The following SLC24A2 variants were observed in gnomAD, a reference collection of about 807,000 sequenced individuals.
SLC24A2 encodes sodium/potassium/calcium exchanger 2.
Under a neutral mutation model 62.0 loss-of-function variants are expected in SLC24A2, and 36 were observed. That is an observed-to-expected ratio of 0.58 (90% confidence interval 0.44 to 0.77). The LOEUF (loss-of-function observed/expected upper bound fraction) is 0.77. SLC24A2 is among the 30% of genes least tolerant of loss of function. The pLI, the probability that SLC24A2 is intolerant of heterozygous loss-of-function variation, is 0.00. For missense variants in SLC24A2, 846 were observed against 817.9 expected (o/e 1.03, Z -0.42); for synonymous variants, 358 against 294.0 (o/e 1.22, Z -2.23).
At chr9:19,752,294 C>G (rs10811234) in intron 2 of SLC24A2, among the ~76,000 whole-genome samples, 1 of 151,740 alleles carries the variant, frequency 6.6e-6, no homozygotes, top group African/African-American at 2.4e-5. Context: ...TACTGCAGAT[C>G]TCATCAGCAG....
At chr9:20,108,308 A>C in the SLC24A2 span, among the ~76,000 whole-genome samples, 109 of 152,112 alleles carry the variant, frequency 7.2e-4, no homozygotes, top group Middle Eastern at 0.01. Context: ...CAGGGATCTA[A>C]AACTAGAAAT....
intron 10 of SLC24A2, among the ~76,000 whole-genome samples, chr9:19,519,552 C>G (rs534480605): frequency 1.3e-5 from 2 of 152,260 alleles, no homozygotes; most frequent in Admixed American, 1.3e-4. Flanking sequence ...AAAACATACA[C>G]CTTTTAAGGC....
chr9:20,025,560 A>T, the SLC24A2 span, among the ~76,000 whole-genome samples: 1 of 152,204 alleles, frequency 6.6e-6, no homozygotes, highest in African/African-American at 2.4e-5. Context: ...AAGAATGATG[A>T]TTGCCCACAC....
intron 2 of SLC24A2, among the ~76,000 whole-genome samples, chr9:19,668,160 G>A (rs770355482): frequency 3.3e-5 from 5 of 152,092 alleles, no homozygotes; most frequent in Non-Finnish European, 7.4e-5. Context: ...GATCTCAGTT[G>A]TTCATTGCCA....
intron 1 of SLC24A2, among the ~76,000 whole-genome samples, chr9:19,787,262 GA>G (rs1417163044): frequency 2.0e-5 from 3 of 152,164 alleles, no homozygotes; most frequent in Non-Finnish European, 4.4e-5. Flanking sequence ...CACTTATGAA[GA>G]TGTATGTATA....
At chr9:19,684,787 T>C (rs970149946) in intron 2 of SLC24A2, among the ~76,000 whole-genome samples, 1 of 151,852 alleles carries the variant, frequency 6.6e-6, no homozygotes, top group Admixed American at 6.6e-5. Flanking sequence ...TCACTATGTT[T>C]TGAGGAGAAG....
chr9:19,883,398 T>C, the SLC24A2 span, among the ~76,000 whole-genome samples: 1 of 152,220 alleles, frequency 6.6e-6, no homozygotes, highest in Non-Finnish European at 1.5e-5. Flanking sequence ...AAGAAATTTG[T>C]ATTGTAAGCA....
chr9:19,768,767 T>A (rs1243873586), intron 2 of SLC24A2, among the ~76,000 whole-genome samples: 1 of 152,048 alleles, frequency 6.6e-6, no homozygotes, highest in Non-Finnish European at 1.5e-5. Flanking sequence ...CCGTGGGTAA[T>A]TGAAACTGTG....
chr9:19,665,251 A>T (rs1317653986), intron 2 of SLC24A2, among the ~76,000 whole-genome samples: 1 of 152,180 alleles, frequency 6.6e-6, no homozygotes, highest in Non-Finnish European at 1.5e-5. Context: ...TTATTGTCCA[A>T]GGAAAAAGTA....
chr9:20,132,177 T>C, the SLC24A2 span, among the ~76,000 whole-genome samples: 4 of 152,006 alleles, frequency 2.6e-5, no homozygotes, highest in African/African-American at 9.7e-5. Flanking sequence ...GATCTCCCTG[T>C]CTTCCAAGGA....
chr9:20,020,203 C>G, the SLC24A2 span, among the ~76,000 whole-genome samples: 12 of 152,298 alleles, frequency 7.9e-5, no homozygotes, highest in Non-Finnish European at 1.5e-4. Context: ...CCATTTGACC[C>G]AGCCATCCAA....
chr9:19,896,087 C>T, the SLC24A2 span: 2 of 687,508 alleles, frequency 2.9e-6, no homozygotes, highest in African/African-American at 1.8e-5. Context: ...AGTGATGCCT[C>T]CTTGGAGGAC....
chr9:19,788,716 C>T (rs1823253035), intron 1 of SLC24A2, 169 bp downstream of exon 1: 1 of 985,334 alleles, frequency 1.0e-6, no homozygotes, highest in African/African-American at 1.7e-5. Context: ...AAATCCACGC[C>T]CCGGAGCACA....
intron 2 of SLC24A2, among the ~76,000 whole-genome samples, chr9:19,660,132 C>T (rs530960469): frequency 3.9e-5 from 6 of 152,258 alleles, no homozygotes; most frequent in African/African-American, 1.2e-4. Context: ...TTGTCCCTTC[C>T]GGACCAGCTC....
chr9:19,833,856 C>T, the SLC24A2 span, among the ~76,000 whole-genome samples: 21 of 152,196 alleles, frequency 1.4e-4, no homozygotes, highest in Non-Finnish European at 2.5e-4. Flanking sequence ...CTCACATGTC[C>T]GGGTACTCCT....
chr9:19,995,448 C>G, the SLC24A2 span, among the ~76,000 whole-genome samples: 18 of 152,144 alleles, frequency 1.2e-4, no homozygotes, highest in Admixed American at 9.2e-4. Flanking sequence ...TACACTCATC[C>G]TATGAGCCAC....
chr9:20,248,827 G>C, the SLC24A2 span, among the ~76,000 whole-genome samples: 1 of 152,184 alleles, frequency 6.6e-6, no homozygotes, highest in South Asian at 2.1e-4. Context: ...CTTCTCCGGG[G>C]CACCCACATG....
At chr9:19,583,868 A>T (rs1446712840) in intron 5 of SLC24A2, among the ~76,000 whole-genome samples, 1 of 152,144 alleles carries the variant, frequency 6.6e-6, no homozygotes, top group Non-Finnish European at 1.5e-5. Flanking sequence ...CACCATAAAG[A>T]TCAGGGCAGG....
chr9:20,129,507 C>A, the SLC24A2 span, among the ~76,000 whole-genome samples: 1 of 151,962 alleles, frequency 6.6e-6, no homozygotes, highest in African/African-American at 2.4e-5. Context: ...TTTACAATAG[C>A]CAAAAGATGG....
Sources: allele counts gnomAD v4.1 joint callset (sites outside exome capture counted in the v4.1 genomes callset), GRCh38; gene constraint gnomAD v4.1.1; transcripts MANE v1.5; gene names NCBI Gene and HGNC (gene_info 2026-07-23, HGNC 2026-07-21).